NCOR1: variants seen among roughly 807,000 people sequenced by gnomAD.
The protein encoded by NCOR1 is protein phosphatase 1, regulatory subunit 109.
Under a neutral mutation model 288.1 loss-of-function variants are expected in NCOR1, and 63 were observed. That is an observed-to-expected ratio of 0.22 (90% CI 0.18 to 0.27). NCOR1 has a LOEUF of 0.27. NCOR1 is among the 10% of genes least tolerant of loss of function. The pLI, the probability that NCOR1 is intolerant of heterozygous loss-of-function variation, is 1.00. For missense variants in NCOR1, 2,397 were observed against 3,019.2 expected, an observed-to-expected ratio of 0.79 and a Z score of 4.83; for synonymous variants, 1,007 against 1,065.9, an observed-to-expected ratio of 0.94 and a Z score of 1.08.
At chr17:16,199,616 T>C (rs543304011) in intron 1 of NCOR1, among the ~76,000 whole-genome samples, 2 of 152,172 alleles carry the variant, frequency 1.3e-5, no homozygotes, top group South Asian at 2.1e-4. Flanking sequence ...CCCACTGAAA[T>C]AAAAGAATCT....
intron 1 of NCOR1, among the ~76,000 whole-genome samples, chr17:16,213,781 G>A (rs1038604417): frequency 6.6e-6 from 1 of 152,174 alleles, no homozygotes; most frequent in African/African-American, 2.4e-5. Flanking sequence ...AGCACAGAAA[G>A]GTTGATCAAG....
chr17:16,071,055 C>T (rs1222211065), intron 30 of NCOR1, among the ~76,000 whole-genome samples: 2 of 152,028 alleles, frequency 1.3e-5, no homozygotes, highest in Admixed American at 1.3e-4. Context: ...CTGAGATGGG[C>T]AGATCACTTG....
intron 14 of NCOR1, among the ~76,000 whole-genome samples, chr17:16,131,811 T>C (rs1241796434): frequency 6.6e-6 from 1 of 152,216 alleles, no homozygotes; most frequent in Non-Finnish European, 1.5e-5. Context: ...AAGATAACAG[T>C]GGCTACCATT....
intron 21 of NCOR1, among the ~76,000 whole-genome samples, chr17:16,094,479 A>G (rs2065970933): frequency 6.6e-6 from 1 of 152,228 alleles, no homozygotes. Context: ...ACTAAAGAAA[A>G]GAACAAGGTC....
intron 6 of NCOR1, among the ~76,000 whole-genome samples, chr17:16,154,442 C>A (rs2079383169): frequency 6.6e-6 from 1 of 152,156 alleles, no homozygotes; most frequent in African/African-American, 2.4e-5. Flanking sequence ...CTTCCCACCA[C>A]AGGAAGATGA....
At chr17:16,097,835 C>A (rs2066914716) in intron 21 of NCOR1, among the ~76,000 whole-genome samples, 1 of 152,198 alleles carries the variant, frequency 6.6e-6, no homozygotes, top group Non-Finnish European at 1.5e-5. Context: ...ACCTATAGAA[C>A]TGGCATCAGA....
intron 19 of NCOR1, among the ~76,000 whole-genome samples, chr17:16,102,852 C>T (rs2067894718): frequency 6.6e-6 from 1 of 152,172 alleles, no homozygotes; most frequent in African/African-American, 2.4e-5. Context: ...CCTTGGCCTC[C>T]CAAAGTGCTG....
intron 6 of NCOR1, 114 bp from the exon 7 acceptor site, chr17:16,153,509 T>A: frequency 3.3e-6 from 2 of 602,808 alleles, no homozygotes; most frequent in Non-Finnish European, 5.5e-6. Flanking sequence ...TTATCCTTAT[T>A]TCCAAATATC....
Position 16,075,524 on chromosome 17 carries a change from CA to C in NCOR1, c.3670+9del, listed in dbSNP as rs1377128317. On this transcript the variant is annotated intron_variant, in intron 27 of 45. Transcript: ENST00000268712. ...TAATACTGGCTTTGGTGCATACATA[CA>C]ATACTTACTATCATATGACAAGATA... The C allele has an allele frequency of 6.2e-7, 1 of 1,613,590 alleles. No individual in the cohort carries two copies. Among genetic ancestry groups the C allele is most frequent in the Non-Finnish European group, 8.5e-7 (1 of 1,179,662 alleles).
At chr17:16,199,521 C>T (rs2090472470) in intron 1 of NCOR1, among the ~76,000 whole-genome samples, 1 of 152,116 alleles carries the variant, frequency 6.6e-6, no homozygotes, top group Non-Finnish European at 1.5e-5. Context: ...TTCAGTCTCC[C>T]CCTGCCCTTT....
At chr17:16,065,348 A>C (rs566942302) in intron 33 of NCOR1, 137 bp downstream of exon 33, 27 of 1,017,598 alleles carry the variant, frequency 2.7e-5, no homozygotes, top group Non-Finnish European at 3.5e-5. Flanking sequence ...TGGGCTAAAA[A>C]GTCTACGGGA....
chr17:16,043,225 T>C (rs564484926), intron 42 of NCOR1, among the ~76,000 whole-genome samples: 1 of 152,334 alleles, frequency 6.6e-6, no homozygotes, highest in South Asian at 2.1e-4. Context: ...ATAAAGTCAC[T>C]GATGTCCTTG....
rs373502975 is a variant in NCOR1, at chr17:16,073,578, T to G, written c.3671-9A>C. Reference sequence around the variant, plus strand: ...TCGGGCATTCTTAATATCTACAGAATACACAAACAAGACTTGCTCAGACGG... The same window carrying G: ...TCGGGCATTCTTAATATCTACAGAAGACACAAACAAGACTTGCTCAGACGG... On this transcript the variant is annotated splice_polypyrimidine_tract_variant and intron_variant, in intron 27 of 45. Coordinates refer to ENST00000268712, the MANE Select transcript of NCOR1 (RefSeq NM_006311.4). The G allele has an allele frequency of 2.8e-5, 44 of 1,593,292 alleles. No individual in the cohort carries two copies. Among genetic ancestry groups the G allele is most frequent in the Non-Finnish European group, 3.7e-5 (43 of 1,171,230 alleles).
chr17:16,208,852 AAG>A (rs1222400283), intron 1 of NCOR1, among the ~76,000 whole-genome samples: 1 of 152,204 alleles, frequency 6.6e-6, no homozygotes, highest in Non-Finnish European at 1.5e-5. Flanking sequence ...AGAAAAAAAA[AAG>A]AAATATTTTG....
intron 26 of NCOR1, among the ~76,000 whole-genome samples, chr17:16,079,613 A>G (rs1180723049): frequency 6.6e-6 from 1 of 151,942 alleles, no homozygotes; most frequent in Non-Finnish European, 1.5e-5. Context: ...ACCAGGGCAA[A>G]AGTAAGCAAA....
chr17:16,123,411 C>A (rs1189734317), intron 15 of NCOR1, among the ~76,000 whole-genome samples: 2 of 152,146 alleles, frequency 1.3e-5, no homozygotes, highest in Non-Finnish European at 2.9e-5. Context: ...TTCATACTGG[C>A]CTCCCTGATT....
rs753286998 is a variant in NCOR1 at position 16,039,674 on chromosome 17, A to G, written c.6734-20T>C. Reference sequence around the variant, plus strand: ...CTGAGCCTGAAAGAGAATCAAAAACATTTCCACTTATTTCTGAAAGGCCAA... The same window carrying G: ...CTGAGCCTGAAAGAGAATCAAAAACGTTTCCACTTATTTCTGAAAGGCCAA... On this transcript the variant is annotated intron_variant, in intron 43 of 45. Transcript: ENST00000268712. 3.1e-6 allele frequency: 5 copies of G among 1,590,702 alleles called. No individual in the cohort carries two copies. The Admixed American group carries it at 7.0e-5, about 22-fold the overall frequency.
chr17:16,195,509 CT>C (rs1383666439), intron 1 of NCOR1, among the ~76,000 whole-genome samples: 2 of 152,048 alleles, frequency 1.3e-5, no homozygotes, highest in Admixed American at 6.6e-5. Flanking sequence ...ACAAAGCCAT[CT>C]TCATTATAAA....
At chr17:16,101,054 C>T (rs7207889) in intron 20 of NCOR1, among the ~76,000 whole-genome samples, 196 bp downstream of exon 20, 68,885 of 152,112 alleles carry the variant, frequency 0.45, 16,621 homozygotes, top group Middle Eastern at 0.58. Context: ...AATGTATAAT[C>T]TGTTTCATTA....
Sources: allele counts gnomAD v4.1 joint callset (sites outside exome capture counted in the v4.1 genomes callset), GRCh38; gene constraint gnomAD v4.1.1; transcripts MANE v1.5; gene names NCBI Gene and HGNC (gene_info 2026-07-23, HGNC 2026-07-21).